Variants in ADGRB2 observed in about 807,000 individuals in gnomAD.
ADGRB2 encodes brain-specific angiogenesis inhibitor 2.
Under a neutral mutation model 178.7 loss-of-function variants are expected in ADGRB2, and 47 were observed. The ratio of observed to expected loss-of-function variants is 0.26; its 90% CI spans 0.21 to 0.34. The LOEUF (loss-of-function observed/expected upper bound fraction) is 0.34, where lower values mean the gene tolerates loss of function less well. Among genes scored for constraint, ADGRB2 ranks in the 10% least tolerant of loss-of-function variants. ADGRB2 has a pLI of 1.00. For synonymous variants in ADGRB2, 870 were observed against 912.4 expected, an observed-to-expected ratio of 0.95 and a Z score of 0.84; for missense variants, 1,584 against 2,180.8, an observed-to-expected ratio of 0.73 and a Z score of 5.45.
rs768167910 is a variant in ADGRB2 at position 31,738,979 on chromosome 1, C to G, written c.2496-42G>C. 2.0e-6 allele frequency: 3 copies of G among 1,523,534 alleles called. No individual in the cohort carries two copies. In the South Asian group the frequency reaches 3.6e-5, roughly 18 times the overall value. 94.4% of individuals were successfully genotyped at this position (1,523,534 alleles called of 1,614,324 possible). A position where few individuals can be genotyped will look rare whatever the true frequency, so the allele number is the denominator to read the frequency against. The stretch of plus-strand genomic sequence containing the variant: ...GAAGTCAGCTCCTGCCAGCGGGTGC[C>G]AGCCCCAGTCAGAAACCCTGAAGCC... On this transcript the variant is annotated intron_variant, in intron 15 of 32. Transcript: ENST00000373658.
chr1:31,738,856 A>G lies in ADGRB2; in HGVS notation c.2577T>C (p.Thr859=). 1 of 1,614,054 alleles carries G rather than the reference A, an allele frequency of 6.2e-7. No individual in the cohort carries two copies. Among genetic ancestry groups the G allele is most frequent in the Non-Finnish European group, 8.5e-7 (1 of 1,180,010 alleles). ...PTQPPAEPLI[T]VELSYIINGT... ...CATTGATGATGTAGGAGAGCTCCAC[A>G]GTGATGAGGGGCTCAGCTGGAGGCT... is the stretch of plus-strand genomic sequence containing the variant. The change falls in exon 16 of 33, where the codon ACT becomes ACC. Residue 859 remains threonine, a synonymous_variant. Transcript: ENST00000373658.
rs760667883 is a variant in ADGRB2 at position 31,736,731 on chromosome 1, G to A, written c.2980-8C>T. 3.8e-5 allele frequency: 62 copies of A among 1,612,844 alleles called. No homozygotes were observed. In the South Asian group the frequency reaches 6.4e-4, roughly 17 times the overall value. ...CGTCATGGTGCACACGCCCTGCAGG[G>A]AGAGGGAATGGGAGGGAGTGGCCCT... is the stretch of plus-strand genomic sequence containing the variant. On this transcript the variant is annotated splice_polypyrimidine_tract_variant and splice_region_variant and intron_variant, in intron 20 of 32. Coordinates refer to ENST00000373658, the MANE Select transcript of ADGRB2 (RefSeq NM_001364857.2).
At chr1:31,750,775 A>G (rs905960571) in intron 4 of ADGRB2, among the ~76,000 whole-genome samples, 1 of 152,058 alleles carries the variant, frequency 6.6e-6, no homozygotes, top group Admixed American at 6.5e-5. Context: ...CACAGGGCGC[A>G]GTGGGGGAAA....
rs566150348 is a variant in ADGRB2, at chr1:31,753,018, A to G, written c.838+2981T>C. Reference sequence around the variant, plus strand: ...ATTGTGGCCAAGGAGAGAGGCGTGCATGAGGCGGGGTTCTTTCTCCCAAGT... The same window carrying G: ...ATTGTGGCCAAGGAGAGAGGCGTGCGTGAGGCGGGGTTCTTTCTCCCAAGT... On this transcript the variant is annotated intron_variant, in intron 4 of 32. Transcript: ENST00000373658. This position sits in a 1 kb window ranked among gnomAD's most constrained non-coding sequence, Gnocchi z 4.1. Among the ~76,000 whole-genome samples the G allele has an allele frequency of 1.3e-5, 2 of 152,258 alleles. No homozygotes were observed. Among genetic ancestry groups the G allele is most frequent in the South Asian group, 4.1e-4 (2 of 4,820 alleles).
At chr1:31,750,729 C>A (rs534446069) in intron 4 of ADGRB2, among the ~76,000 whole-genome samples, 48 of 152,256 alleles carry the variant, frequency 3.2e-4, no homozygotes, top group Admixed American at 1.2e-3. Context: ...ACCCCATCCC[C>A]AGCAGTGCTT....
At position 31,739,567 on chromosome 1, in the gene ADGRB2, G is replaced by A. The variant is rs1241489364; in HGVS notation, c.2236C>T (p.Arg746Trp). Residue 746 changes from arginine (R) to tryptophan (W), a missense_variant, in exon 15 of 33, where the codon CGG (arginine) becomes TGG (tryptophan). Physicochemically the swap from Arg to Trp is moderately radical, Grantham distance 101. This residue lies in a region of ADGRB2 where 865 missense variants were observed against 1,192.8 expected (regional missense o/e 0.73). Transcript: ENST00000373658. ...SDITFPMRGR[R>W]GMKDWVRHSE... ...TGCCGCACCCAGTCCTTCATGCCCC[G>A]GCGGCCCCGCATGGGGAACGTGATG... 6.2e-6 allele frequency: 10 copies of A among 1,612,000 alleles called. No individual in the cohort carries two copies. The highest frequency in any genetic ancestry group is 1.1e-5 in the South Asian group (1 of 90,900).
Position 31,756,035 on chromosome 1 carries a change from T to C in ADGRB2, c.802A>G (p.Ser268Gly), listed in dbSNP as rs746406938. The change falls in exon 4 of 33, where the codon AGC becomes GGC. Residue 268 changes from serine (S) to glycine (G), a missense_variant. This residue lies in a region of ADGRB2 where 657 missense variants were observed against 847.6 expected (regional missense o/e 0.78). Transcript: ENST00000373658. The surrounding 1 kb of genome is among the most constrained non-coding windows in gnomAD (Gnocchi z 8.5). ...TCGGTTGTGAACAGATCATTGCTGC[T>C]CCCCGAGTGCAAATCGGCCTCAGCA... Reference protein sequence around the residue: ...PPAEADLHSGSSNDLFTTEMR... With the variant: ...PPAEADLHSGGSNDLFTTEMR... The C allele has an allele frequency of 7.4e-6, 12 of 1,613,460 alleles. No homozygotes were observed. Among genetic ancestry groups the C allele is most frequent in the African/African-American group, 1.3e-5 (1 of 74,838 alleles).
chr1:31,732,369 C>A, intron 27 of ADGRB2, 148 bp downstream of exon 27: 1 of 1,153,798 alleles, frequency 8.7e-7, no homozygotes, highest in Non-Finnish European at 1.3e-6. Context: ...TGCCCAATGC[C>A]ACCCAGGTGT....
chr1:31,761,345 C>G lies in ADGRB2; in HGVS notation c.-191+2539G>C, dbSNP rs952260530. Among the ~76,000 whole-genome samples the G allele has an allele frequency of 6.6e-6, 1 of 152,224 alleles. No homozygotes were observed. Among genetic ancestry groups the G allele is most frequent in the Admixed American group, 6.5e-5 (1 of 15,294 alleles). On this transcript the variant is annotated intron_variant, in intron 1 of 32. Transcript: ENST00000373658. The surrounding 1 kb of genome is among the most constrained non-coding windows in gnomAD (Gnocchi z 4.2). ...CAGGCCCTCAGGCCCGGTGGCCCTG[C>G]TAACTCTGACCCAAGGCAAAGGGCC...
chr1:31,735,227 C>G lies in ADGRB2; in HGVS notation c.3408G>C (p.Ala1136=). The part of the protein sequence containing the change: ...SLLLPCSACG[A]VPSPLLSSAS... Reference sequence around the variant, plus strand: ...CTGAGCTGAGCAGGGGGCTGGGGACCGCTCCACACGCTGAGCAGGGGAGGA... The same window carrying G: ...CTGAGCTGAGCAGGGGGCTGGGGACGGCTCCACACGCTGAGCAGGGGAGGA... Residue 1136 remains alanine (A), a synonymous_variant, in exon 25 of 33, where the codon GCG becomes GCC. Coordinates refer to ENST00000373658, the MANE Select transcript of ADGRB2 (RefSeq NM_001364857.2). This position sits in a 1 kb window ranked among gnomAD's most constrained non-coding sequence, Gnocchi z 6.0. 3 of 1,458,348 alleles carry G rather than the reference C, an allele frequency of 2.1e-6. No homozygotes were observed. The highest frequency in any genetic ancestry group is 1.8e-6 in the Non-Finnish European group (2 of 1,100,142). 90.3% of individuals were successfully genotyped at this position (1,458,348 alleles called of 1,614,324 possible).
Position 31,737,542 on chromosome 1 carries a change from A to G in ADGRB2, c.2877-11T>C. ...TCAGATTTTATGAACCTGCCGGGGC[A>G]CAGCAGGCAGGGACAGAGGCGCTGG... On this transcript the variant is annotated splice_polypyrimidine_tract_variant and intron_variant, in intron 19 of 32. Coordinates refer to ENST00000373658, the MANE Select transcript of ADGRB2 (RefSeq NM_001364857.2). 6.2e-7 allele frequency: 1 copy of G among 1,613,458 alleles called. No homozygotes were observed. Among genetic ancestry groups the G allele is most frequent in the Non-Finnish European group, 8.5e-7 (1 of 1,179,376 alleles).
chr1:31,746,076 G>A (rs1191175435), intron 4 of ADGRB2, among the ~76,000 whole-genome samples: 1 of 152,146 alleles, frequency 6.6e-6, no homozygotes, highest in African/African-American at 2.4e-5. Context: ...ATGGGGTGTG[G>A]ACATTGACCA....
At chr1:31,743,450 A>C in intron 6 of ADGRB2, 1 of 153,858 alleles carries the variant, frequency 6.5e-6, no homozygotes, top group Non-Finnish European at 1.4e-5. Flanking sequence ...CACACAAATA[A>C]ACATGAACCT....
Position 31,756,821 on chromosome 1 carries a change from G to A in ADGRB2, c.22-6C>T, listed in dbSNP as rs1646858765. 1 of 1,459,590 alleles carries A rather than the reference G, an allele frequency of 6.9e-7. No homozygotes were observed. Among genetic ancestry groups the A allele is most frequent in the Non-Finnish European group, 9.1e-7 (1 of 1,103,064 alleles). 90.4% of individuals were successfully genotyped at this position (1,459,590 alleles called of 1,614,324 possible). A position where few individuals can be genotyped will look rare whatever the true frequency, so the allele number is the denominator to read the frequency against. ...GTCATCCTATGTCCCTTGCCCTGTG[G>A]AGAGAGACAGTGGTCAGCGGGCCCC... On this transcript the variant is annotated splice_region_variant and splice_polypyrimidine_tract_variant and intron_variant, in intron 3 of 32. Coordinates refer to ENST00000373658, the MANE Select transcript of ADGRB2 (RefSeq NM_001364857.2). This position sits in a 1 kb window ranked among gnomAD's most constrained non-coding sequence, Gnocchi z 8.5.
Position 31,736,409 on chromosome 1 carries a change from C to G in ADGRB2, c.3131-19G>C. ...GGCAGACCTGGGGGAGCAGGGGTGC[C>G]AGAGTGAGATGGTTGCTGGTCTTCA... On this transcript the variant is annotated intron_variant, in intron 21 of 32. Transcript: ENST00000373658. The G allele has an allele frequency of 1.2e-6, 2 of 1,613,678 alleles. No individual in the cohort carries two copies. Among genetic ancestry groups the G allele is most frequent in the Non-Finnish European group, 1.7e-6 (2 of 1,179,830 alleles).
chr1:31,738,996 C>A, intron 15 of ADGRB2, 59 bp from the exon 16 acceptor site: 1 of 1,456,190 alleles, frequency 6.9e-7, no homozygotes, highest in Non-Finnish European at 9.5e-7. Context: ...AGTCAGAAAC[C>A]CTGAAGCCGC....
chr1:31,739,426 G>T lies in ADGRB2; in HGVS notation c.2377C>A (p.Pro793Thr), dbSNP rs773384974. The T allele has an allele frequency of 1.3e-6, 2 of 1,577,130 alleles. No homozygotes were observed. The highest frequency in any genetic ancestry group is 2.7e-5 in the African/African-American group (2 of 74,024). ...PGRGRGPGTV[P>T]PGPGHSHQRL... ...TGGTGGGAGTGGCCTGGGCCAGGAG[G>T]CACCGTTCCTGGGCCCCTCCCCCTG... is the stretch of plus-strand genomic sequence containing the variant. The change falls in exon 15 of 33, where the codon CCT becomes ACT. Residue 793 changes from proline to threonine, a missense_variant. By Grantham distance (38) the Pro-to-Thr change is conservative. Transcript: ENST00000373658.
At chr1:31,745,479 G>A (rs1646226535) in intron 4 of ADGRB2, among the ~76,000 whole-genome samples, 1 of 152,236 alleles carries the variant, frequency 6.6e-6, no homozygotes, top group Admixed American at 6.5e-5. Flanking sequence ...ATGTGTCTGG[G>A]CTAGGCCTTG....
At chr1:31,752,135 C>T (rs1280098832) in intron 4 of ADGRB2, among the ~76,000 whole-genome samples, 1 of 152,172 alleles carries the variant, frequency 6.6e-6, no homozygotes, top group Non-Finnish European at 1.5e-5. Context: ...TTAGTGCTCT[C>T]CCTCCCCCAC....
Sources: gnomAD v4.1 joint callset for allele counts (sites outside exome capture counted in the v4.1 genomes callset) on GRCh38, gnomAD v4.1.1 for gene constraint, gnomAD v4.1.1 regional missense constraint, Gnocchi (gnomAD v3.1) non-coding constraint, MANE v1.5 for transcripts, NCBI Gene and HGNC (gene_info 2026-07-23, HGNC 2026-07-21) for gene names.